The following LRRIQ1 variants were observed in gnomAD, a reference collection of about 807,000 sequenced individuals.
The protein encoded by LRRIQ1 is leucine rich repeats and IQ motif containing 1, also known as leucine-rich repeat- and IQ domain-containing protein 1.
LRRIQ1 carries 210 observed loss-of-function variants against 211.9 expected under a neutral mutation model. That is an observed-to-expected ratio of 0.99 (90% confidence interval 0.89 to 1.11). The LOEUF (loss-of-function observed/expected upper bound fraction) is 1.11, where lower values mean the gene tolerates loss of function less well. LRRIQ1 is among the 50% of genes most tolerant of loss of function. The pLI, the probability that LRRIQ1 is intolerant of heterozygous loss-of-function variation, is 0.00. For synonymous variants in LRRIQ1, 699 were observed against 650.1 expected (o/e 1.08, Z -1.14); for missense variants, 2,136 against 1,939.5 (o/e 1.10, Z -1.90).
At chr12:85,147,211 A>G (rs1014397427) in intron 19 of LRRIQ1, among the ~76,000 whole-genome samples, 1 of 151,858 alleles carries the variant, frequency 6.6e-6, no homozygotes, top group Admixed American at 6.6e-5. Context: ...AGATATTAAC[A>G]GTGGCAAAGA....
At chr12:85,263,055 A>C (rs1442955795) in exon 2 of LRRIQ1, 9 of 987,912 alleles carry the variant, frequency 9.1e-6, no homozygotes, top group African/African-American at 1.7e-5. Flanking sequence ...GAACATTTCC[A>C]ACTAATCCTT....
chr12:85,130,217 C>T (rs1310672266), intron 18 of LRRIQ1, among the ~76,000 whole-genome samples: 1 of 152,120 alleles, frequency 6.6e-6, no homozygotes, highest in Non-Finnish European at 1.5e-5. Context: ...CTCCTGAGAA[C>T]AGTGCATAGG....
Position 85,137,942 on chromosome 12 carries a change from A to C in LRRIQ1, c.4302A>C (p.Ile1434=), listed in dbSNP as rs770949797. ...AATCCGATGAAGAATACAGAGAAAT[A>C]GATTTAGAGGATTTTATATTTGATG... ...NEESDEEYRE[I]DLEDFIFDEA... is the part of the protein sequence containing the mutation. The change falls in exon 19 of 27, where the codon ATA becomes ATC. Residue 1434 remains isoleucine (I), a synonymous_variant. Coordinates refer to ENST00000393217, the MANE Select transcript of LRRIQ1 (RefSeq NM_001079910.2). 6.7e-7 allele frequency: 1 copy of C among 1,485,040 alleles called. No homozygotes were observed. Among genetic ancestry groups the C allele is most frequent in the South Asian group, 1.2e-5 (1 of 86,000 alleles). The allele number at this position is 1,485,040 out of a possible 1,614,324, so 92.0% of individuals were successfully genotyped here.
At chr12:85,188,156 A>AC (rs1351147492) in intron 24 of LRRIQ1, among the ~76,000 whole-genome samples, 1 of 152,062 alleles carries the variant, frequency 6.6e-6, no homozygotes, top group African/African-American at 2.4e-5. Context: ...AAAAAAAAAA[A>AC]AATCAAGTAA....
intron 18 of LRRIQ1, among the ~76,000 whole-genome samples, chr12:85,130,783 G>A (rs1404131798): frequency 6.6e-6 from 1 of 152,070 alleles, no homozygotes; most frequent in Non-Finnish European, 1.5e-5. Context: ...CAAAATGAAA[G>A]GTTTTGTGAA....
rs78046621 is a variant in LRRIQ1, at chr12:85,189,046, A to G, written c.4822+28332A>G. ...AGGTGGAGAATCTCAAATCCAAGCA[A>G]GTACAGGCACAAAACTTGATCGTAA... On this transcript the variant is annotated intron_variant, in intron 24 of 26. Coordinates refer to ENST00000393217, the MANE Select transcript of LRRIQ1 (RefSeq NM_001079910.2). 3.3e-5 allele frequency among the ~76,000 whole-genome samples: 5 copies of G among 152,252 alleles called. No individual in the cohort carries two copies. The East Asian group carries it at 9.7e-4, about 29-fold the overall frequency.
chr12:85,124,477 C>G lies in LRRIQ1; in HGVS notation c.3965C>G (p.Ser1322Cys), dbSNP rs141671586. The change falls in exon 17 of 27, where the codon TCT becomes TGT. Residue 1322 changes from serine (S) to cysteine (C), a missense_variant. Physicochemically the swap from Ser to Cys is moderately radical, Grantham distance 112. Transcript: ENST00000393217. ...TTTAAGGAAGTAGTAATGACAAATT[C>G]TTTGCTGAGGAATCACCAAAATATT... Reference protein sequence around the residue: ...IPFKEVVMTNSLLRNHQNIEP... With the variant: ...IPFKEVVMTNCLLRNHQNIEP... 81 of 1,613,304 alleles carry G rather than the reference C, an allele frequency of 5.0e-5. No homozygotes were observed. The East Asian group carries it at 1.8e-3, about 35-fold the overall frequency.
Position 85,185,433 on chromosome 12 carries a change from AAGAG to A in LRRIQ1, c.4822+24722_4822+24725del, listed in dbSNP as rs139346723. Reference sequence around the variant, plus strand: ...GCTTCTTAGAGTTTATCTGAACAAAAAGAGAGCCCCTTAAAATCATTCTATTTTA... The same window carrying A: ...GCTTCTTAGAGTTTATCTGAACAAAAAGCCCCTTAAAATCATTCTATTTTA... On this transcript the variant is annotated intron_variant, in intron 24 of 26. Transcript: ENST00000393217. Among the ~76,000 whole-genome samples the A allele has an allele frequency of 3.0e-3, 455 of 152,016 alleles. 18 individuals carry two copies. In the East Asian group the frequency reaches 0.075, roughly 25 times the overall value.
chr12:85,170,663 T>TA (rs1022279794), intron 24 of LRRIQ1, among the ~76,000 whole-genome samples: 31 of 150,112 alleles, frequency 2.1e-4, no homozygotes, highest in East Asian at 3.9e-4. Context: ...TACTTTTTGT[T>TA]AAAAAAAAAG....
At chr12:85,197,198 G>A (rs1171859319) in intron 24 of LRRIQ1, among the ~76,000 whole-genome samples, 1 of 151,996 alleles carries the variant, frequency 6.6e-6, no homozygotes, top group Non-Finnish European at 1.5e-5. Flanking sequence ...GAGAGGATGT[G>A]GAGAAATAGG....
intron 19 of LRRIQ1, among the ~76,000 whole-genome samples, chr12:85,150,620 CAT>C (rs1301940387): frequency 6.6e-6 from 1 of 151,502 alleles, no homozygotes; most frequent in Non-Finnish European, 1.5e-5. Context: ...AGTACCAAAG[CAT>C]ATGTGTTTCC....
intron 15 of LRRIQ1, among the ~76,000 whole-genome samples, chr12:85,119,339 G>A (rs549232654): frequency 6.6e-6 from 1 of 152,024 alleles, no homozygotes; most frequent in Admixed American, 6.6e-5. Context: ...TGGCTTCCTA[G>A]TTCACTTCAT....
intron 1 of LRRIQ1, among the ~76,000 whole-genome samples, chr12:85,250,840 T>G (rs1376038519): frequency 3.9e-5 from 3 of 76,738 alleles, no homozygotes; most frequent in Non-Finnish European, 8.1e-5. Context: ...GATTATATAT[T>G]ATATTATATA....
At position 85,056,870 on chromosome 12, in the gene LRRIQ1, G is replaced by T; in HGVS notation, c.2077G>T (p.Glu693Ter). The T allele has an allele frequency of 6.2e-7, 1 of 1,613,348 alleles. No individual in the cohort carries two copies. The highest frequency in any genetic ancestry group is 1.1e-5 in the South Asian group (1 of 91,030). ...TGAGGGCTTGAGTAACTATAATGCA[G>T]AAAGCTCCATGGTATCTAAAGAAGT... The part of the protein sequence containing the change: ...PCEGLSNYNA[E>*]SSMVSKEVNS... Residue 693 changes from glutamate (E) to a stop codon, truncating the protein, a stop_gained, in exon 8 of 27, where the codon GAA (glutamate) becomes TAA (stop). Coordinates refer to ENST00000393217, the MANE Select transcript of LRRIQ1 (RefSeq NM_001079910.2). LOFTEE classifies it high-confidence loss of function.
At chr12:85,080,145 A>AT (rs1171501611) in intron 11 of LRRIQ1, among the ~76,000 whole-genome samples, 1 of 151,904 alleles carries the variant, frequency 6.6e-6, no homozygotes. Flanking sequence ...TTGTATTGCA[A>AT]TTTTTGCATT....
At chr12:85,200,294 T>C (rs1202598055) in intron 24 of LRRIQ1, among the ~76,000 whole-genome samples, 1 of 152,188 alleles carries the variant, frequency 6.6e-6, no homozygotes, top group African/African-American at 2.4e-5. Context: ...TTAGGAATGC[T>C]ACTGAATTTT....
intron 24 of LRRIQ1, among the ~76,000 whole-genome samples, chr12:85,197,715 T>C (rs1893003626): frequency 6.6e-6 from 1 of 151,340 alleles, no homozygotes; most frequent in Non-Finnish European, 1.5e-5. Flanking sequence ...CATCGGGAGA[T>C]ATACCTAATG....
At chr12:85,215,738 A>G (rs1894048207) in intron 24 of LRRIQ1, among the ~76,000 whole-genome samples, 1 of 152,194 alleles carries the variant, frequency 6.6e-6, no homozygotes, top group Admixed American at 6.5e-5. Flanking sequence ...GTGGCCACCA[A>G]CAATGCAATG....
rs1187570781 is a variant in LRRIQ1 at position 85,161,884 on chromosome 12, CA to C, written c.4822+1176del. On this transcript the variant is annotated intron_variant, in intron 24 of 26. Transcript: ENST00000393217. ...TGAAACCCTGTCTCTACTAAAAATA[CA>C]AAAAATTAGCCGGGCGTGGTGGTGG... 4.0e-5 allele frequency among the ~76,000 whole-genome samples: 6 copies of C among 151,898 alleles called. No individual in the cohort carries two copies. In the East Asian group the frequency reaches 1.2e-3, roughly 30 times the overall value.
Sources: allele counts gnomAD v4.1 joint callset (sites outside exome capture counted in the v4.1 genomes callset), GRCh38; gene constraint gnomAD v4.1.1; transcripts MANE v1.5; gene names NCBI Gene and HGNC (gene_info 2026-07-23, HGNC 2026-07-21).